Variants in WWOX observed in about 807,000 individuals in gnomAD.
WWOX encodes the protein WW domain-containing oxidoreductase.
WWOX carries 69 observed loss-of-function variants against 46.2 expected under a neutral mutation model. The observed-to-expected ratio is 1.49, with a 90% CI of 1.23 to 1.82. The LOEUF (loss-of-function observed/expected upper bound fraction) is 1.82. WWOX is among the 40% of genes most tolerant of loss of function. The pLI, the probability that WWOX is intolerant of heterozygous loss-of-function variation, is 0.00. For synonymous variants in WWOX, 359 were observed against 202.6 expected, an observed-to-expected ratio of 1.77 and a Z score of -6.56; for missense variants, 919 against 542.6, an observed-to-expected ratio of 1.69 and a Z score of -6.89.
At chr16:78,425,116 C>T (rs922761596) in intron 7 of WWOX, 61 bp downstream of exon 7, 24 of 1,597,312 alleles carry the variant, frequency 1.5e-5, no homozygotes, top group East Asian at 1.3e-4. Context: ...AATATTCCCC[C>T]AAGGCTCTCA....
intron 8 of WWOX, among the ~76,000 whole-genome samples, chr16:78,674,502 C>G (rs1011369807): frequency 6.6e-6 from 1 of 152,076 alleles, no homozygotes; most frequent in African/African-American, 2.4e-5. Context: ...CCAGGCTGGT[C>G]TCAAACTCCT....
At chr16:79,150,951 T>A (rs1273910129) in intron 8 of WWOX, among the ~76,000 whole-genome samples, 1 of 152,220 alleles carries the variant, frequency 6.6e-6, no homozygotes, top group Admixed American at 6.5e-5. Flanking sequence ...TTCAGCCTAG[T>A]TTATTCTAGG....
chr16:78,499,702 C>A (rs958731637), intron 8 of WWOX, among the ~76,000 whole-genome samples: 4 of 152,166 alleles, frequency 2.6e-5, no homozygotes, highest in Admixed American at 2.6e-4. Flanking sequence ...AGAACCATGT[C>A]TTATTTTTTT....
intron 8 of WWOX, among the ~76,000 whole-genome samples, chr16:78,911,793 G>A (rs1597140117): frequency 6.6e-6 from 1 of 152,056 alleles, no homozygotes; most frequent in Non-Finnish European, 1.5e-5. Flanking sequence ...TTGAACCCGG[G>A]AAGCGGAGGT....
chr16:78,860,676 G>C (rs1442007901), intron 8 of WWOX, among the ~76,000 whole-genome samples: 1 of 152,206 alleles, frequency 6.6e-6, no homozygotes, highest in Non-Finnish European at 1.5e-5. Context: ...GCGTGAAAAA[G>C]AAGTGTTCTT....
intron 8 of WWOX, chr16:79,204,456 A>T (rs1336411431): frequency 6.6e-6 from 1 of 152,170 alleles, no homozygotes; most frequent in Non-Finnish European, 1.5e-5. Context: ...CTAGGGTCTC[A>T]CAATAATAGC....
intron 8 of WWOX, among the ~76,000 whole-genome samples, chr16:78,563,908 A>T (rs1016689464): frequency 6.6e-6 from 1 of 152,218 alleles, no homozygotes; most frequent in Non-Finnish European, 1.5e-5. Flanking sequence ...ATGAAACTTG[A>T]TTTGACCAAT....
chr16:78,178,961 A>G (rs191186968), intron 5 of WWOX, among the ~76,000 whole-genome samples: 1 of 152,126 alleles, frequency 6.6e-6, no homozygotes, highest in South Asian at 2.1e-4. Context: ...GAGCTGGTCA[A>G]ATGTTTACAT....
At chr16:79,085,561 C>G (rs550342376) in intron 8 of WWOX, among the ~76,000 whole-genome samples, 4 of 152,282 alleles carry the variant, frequency 2.6e-5, no homozygotes, top group Admixed American at 6.5e-5. Flanking sequence ...ATGCAACTTT[C>G]TCAATAGGTT....
At chr16:78,913,118 C>G (rs1024561716) in intron 8 of WWOX, among the ~76,000 whole-genome samples, 1 of 151,992 alleles carries the variant, frequency 6.6e-6, no homozygotes, top group East Asian at 1.9e-4. Flanking sequence ...CCTGCCCTAC[C>G]TCCTGCCAGA....
rs1322101762 is a variant in WWOX, at chr16:78,432,757, G to C, written c.1056+5G>C. On this transcript the variant is annotated splice_donor_5th_base_variant and intron_variant, in intron 8 of 8. Transcript: ENST00000566780. ...AGGCCTTTCACCAAGTCCATGGTAA[G>C]AGAACAGCTTCTGGCGCCGCAAACA... The C allele has an allele frequency of 3.1e-6, 5 of 1,614,150 alleles. No homozygotes were observed. The highest frequency in any genetic ancestry group is 4.2e-6 in the Non-Finnish European group (5 of 1,180,030).
chr16:78,754,863 T>G (rs1193683881), intron 8 of WWOX, among the ~76,000 whole-genome samples: 3 of 152,148 alleles, frequency 2.0e-5, no homozygotes, highest in African/African-American at 7.2e-5. Flanking sequence ...GGTGATAACT[T>G]ACTCACAGTC....
chr16:78,399,264 G>T (rs1251785850), intron 6 of WWOX, among the ~76,000 whole-genome samples: 1 of 152,232 alleles, frequency 6.6e-6, no homozygotes, highest in Non-Finnish European at 1.5e-5. Context: ...CCGATTCTCA[G>T]TGATAGAATC....
At chr16:78,199,727 C>T (rs996176045) in intron 5 of WWOX, among the ~76,000 whole-genome samples, 1 of 152,172 alleles carries the variant, frequency 6.6e-6, no homozygotes, top group African/African-American at 2.4e-5. Flanking sequence ...CATCCTACCC[C>T]CTTCCCATAA....
At chr16:79,210,490 A>G (rs891121207) in intron 8 of WWOX, among the ~76,000 whole-genome samples, 1 of 152,110 alleles carries the variant, frequency 6.6e-6, no homozygotes, top group African/African-American at 2.4e-5. Flanking sequence ...TTTCCCCCAC[A>G]ATCAAAGTTC....
chr16:78,156,769 C>T (rs1227499849), intron 4 of WWOX, among the ~76,000 whole-genome samples: 1 of 151,906 alleles, frequency 6.6e-6, no homozygotes, highest in East Asian at 1.9e-4. Context: ...ACTAAAAATA[C>T]AAAAATTAGC....
At chr16:78,464,516 G>A (rs2084026767) in intron 8 of WWOX, among the ~76,000 whole-genome samples, 1 of 152,130 alleles carries the variant, frequency 6.6e-6, no homozygotes, top group Admixed American at 6.5e-5. Flanking sequence ...TGCTTACCAT[G>A]TGCCATATTT....
At chr16:78,831,564 C>A (rs1258506254) in intron 8 of WWOX, among the ~76,000 whole-genome samples, 1 of 152,214 alleles carries the variant, frequency 6.6e-6, no homozygotes, top group Non-Finnish European at 1.5e-5. Flanking sequence ...GTGACCTGCA[C>A]ACCAGGAGGC....
chr16:78,922,465 A>C (rs761226635), intron 8 of WWOX, among the ~76,000 whole-genome samples: 3 of 147,558 alleles, frequency 2.0e-5, no homozygotes, highest in African/African-American at 5.1e-5. Flanking sequence ...TGCAATTTCT[A>C]CCTCCCGGGT....
Sources: gnomAD v4.1 joint callset for allele counts (sites outside exome capture counted in the v4.1 genomes callset) on GRCh38, gnomAD v4.1.1 for gene constraint, MANE v1.5 for transcripts, NCBI Gene and HGNC (gene_info 2026-07-23, HGNC 2026-07-21) for gene names.